The following SGCZ variants were observed in gnomAD, a reference collection of about 807,000 sequenced individuals.
SGCZ encodes sarcoglycan zeta, also known as zeta-sarcoglycan.
In SGCZ, 40 loss-of-function variants were observed where a neutral mutation model predicts 41.3. That is an observed-to-expected ratio of 0.97 (90% CI 0.75 to 1.26). The LOEUF is 1.26. Ranked by LOEUF, SGCZ falls within the 50% of genes most tolerant of loss-of-function variation. SGCZ has a pLI of 0.00. For synonymous variants in SGCZ, 206 were observed against 137.5 expected, an observed-to-expected ratio of 1.50 and a Z score of -3.49; for missense variants, 552 against 369.8, an observed-to-expected ratio of 1.49 and a Z score of -4.04.
intron 3 of SGCZ, among the ~76,000 whole-genome samples, chr8:14,313,543 C>T (rs942079082): frequency 6.6e-6 from 1 of 152,108 alleles, no homozygotes. Flanking sequence ...TCTCAAACAC[C>T]CGACCTAAAA....
intron 4 of SGCZ, among the ~76,000 whole-genome samples, chr8:14,180,236 C>A (rs1386371734): frequency 6.6e-6 from 1 of 152,164 alleles, no homozygotes; most frequent in South Asian, 2.1e-4. Context: ...GCCTCCTAGC[C>A]AAGCCCACCT....
intron 5 of SGCZ, among the ~76,000 whole-genome samples, chr8:14,142,823 T>G (rs1308967599): frequency 2.0e-5 from 3 of 152,040 alleles, no homozygotes; most frequent in African/African-American, 7.3e-5. Context: ...TAAAAGTGTG[T>G]GGCACCTCTC....
chr8:14,785,124 A>G (rs1449136131), intron 1 of SGCZ, among the ~76,000 whole-genome samples: 1 of 150,988 alleles, frequency 6.6e-6, no homozygotes, highest in African/African-American at 2.4e-5. Flanking sequence ...ATTTTTCCAT[A>G]TCATTTTGCC....
intron 1 of SGCZ, among the ~76,000 whole-genome samples, chr8:14,712,994 T>C (rs1378548091): frequency 2.6e-5 from 4 of 152,042 alleles, no homozygotes; most frequent in South Asian, 4.1e-4. Flanking sequence ...AGGTGACAAA[T>C]GTAGTCATTT....
chr8:15,173,045 G>C (rs1799891728), intron 1 of SGCZ, among the ~76,000 whole-genome samples: 2 of 152,102 alleles, frequency 1.3e-5, no homozygotes, highest in South Asian at 4.1e-4. Context: ...AAACATATAA[G>C]TCCTCGACTT....
chr8:14,222,510 T>G (rs1399155998), intron 4 of SGCZ, among the ~76,000 whole-genome samples: 1 of 152,060 alleles, frequency 6.6e-6, no homozygotes, highest in Non-Finnish European at 1.5e-5. Context: ...CAGAATAATC[T>G]TAACTTTCAT....
chr8:14,362,565 G>C (rs1265141013), intron 2 of SGCZ, among the ~76,000 whole-genome samples: 1 of 152,154 alleles, frequency 6.6e-6, no homozygotes, highest in African/African-American at 2.4e-5. Context: ...GCAGTATGTA[G>C]GCAGAAGTGT....
chr8:14,724,696 T>TATATAC (rs1809996617), intron 1 of SGCZ, among the ~76,000 whole-genome samples: 1 of 149,778 alleles, frequency 6.7e-6, no homozygotes, highest in South Asian at 2.1e-4. Context: ...GTGATATATA[T>TATATAC]ATATGCATAT....
chr8:14,889,387 C>T (rs1804928047), intron 1 of SGCZ, among the ~76,000 whole-genome samples: 1 of 151,938 alleles, frequency 6.6e-6, no homozygotes, highest in Admixed American at 6.6e-5. Context: ...TACTCTGAAC[C>T]TTAATTTTGT....
chr8:15,134,884 G>T (rs918996298), intron 1 of SGCZ, among the ~76,000 whole-genome samples: 1 of 152,178 alleles, frequency 6.6e-6, no homozygotes, highest in African/African-American at 2.4e-5. Flanking sequence ...TCTGAAACAC[G>T]TTTGAATGTT....
intron 1 of SGCZ, among the ~76,000 whole-genome samples, chr8:15,002,890 G>A (rs997083505): frequency 5.3e-5 from 8 of 152,104 alleles, no homozygotes; most frequent in African/African-American, 1.9e-4. Flanking sequence ...CCTGGGGGAG[G>A]TAATGGAATC....
At chr8:14,798,742 A>G (rs113907086) in intron 1 of SGCZ, among the ~76,000 whole-genome samples, 21 of 152,162 alleles carry the variant, frequency 1.4e-4, no homozygotes, top group African/African-American at 5.1e-4. Context: ...TTTATATTAG[A>G]TTATGTAATT....
chr8:14,866,457 T>A (rs1279362767), intron 1 of SGCZ, among the ~76,000 whole-genome samples: 3 of 152,126 alleles, frequency 2.0e-5, no homozygotes, highest in Middle Eastern at 6.8e-3. Context: ...AAAACACACA[T>A]CTATGTTTGT....
chr8:14,829,823 T>C (rs1378355891), intron 1 of SGCZ, among the ~76,000 whole-genome samples: 1 of 152,182 alleles, frequency 6.6e-6, no homozygotes, highest in Non-Finnish European at 1.5e-5. Context: ...GTTTTGTTTT[T>C]GTTTTTTGGA....
intron 1 of SGCZ, among the ~76,000 whole-genome samples, chr8:14,975,039 A>C (rs185028838): frequency 4.5e-4 from 69 of 152,168 alleles, no homozygotes; most frequent in African/African-American, 1.6e-3. Flanking sequence ...ATCTATAAGA[A>C]TTCCAGCCTC....
intron 1 of SGCZ, among the ~76,000 whole-genome samples, chr8:14,672,429 G>C (rs904789336): frequency 2.0e-5 from 3 of 152,032 alleles, no homozygotes; most frequent in Admixed American, 2.0e-4. Flanking sequence ...TCAAGCTGGT[G>C]GTTGTTTTTT....
chr8:14,470,801 T>C (rs1441541468), intron 2 of SGCZ, among the ~76,000 whole-genome samples: 2 of 152,070 alleles, frequency 1.3e-5, no homozygotes, highest in East Asian at 3.9e-4. Context: ...CGAACTCGAG[T>C]TCCTAGAAAA....
At chr8:14,631,502 A>C (rs1052946550) in intron 1 of SGCZ, among the ~76,000 whole-genome samples, 2 of 152,030 alleles carry the variant, frequency 1.3e-5, no homozygotes. Context: ...CCTTGCCCAG[A>C]GATAATTGGT....
chr8:14,559,490 A>G (rs572476675), intron 1 of SGCZ, among the ~76,000 whole-genome samples: 39 of 152,264 alleles, frequency 2.6e-4, no homozygotes, highest in African/African-American at 8.9e-4. Flanking sequence ...AGATGACACA[A>G]ACAAATGGAA....
Sources: allele counts gnomAD v4.1 joint callset (sites outside exome capture counted in the v4.1 genomes callset), GRCh38; gene constraint gnomAD v4.1.1; transcripts MANE v1.5; gene names NCBI Gene and HGNC (gene_info 2026-07-23, HGNC 2026-07-21).